Variants in DKK4 observed in about 807,000 individuals in gnomAD.
DKK4 encodes the protein dickkopf Wnt signaling pathway inhibitor 4, also known as dickkopf-related protein 4.
A neutral mutation model predicts 14.5 loss-of-function variants in DKK4; 15 were observed. The observed-to-expected ratio is 1.03, with a 90% CI of 0.69 to 1.59. The LOEUF (loss-of-function observed/expected upper bound fraction) is 1.59. Ranked by LOEUF, DKK4 falls within the 40% of genes most tolerant of loss-of-function variation. DKK4 has a pLI of 0.00. For synonymous variants in DKK4, 89 were observed against 105.2 expected (o/e 0.85, Z 0.94); for missense variants, 272 against 280.3 (o/e 0.97, Z 0.21).
intron 1 of DKK4, among the ~76,000 whole-genome samples, chr8:42,376,236 G>A (rs896977091): frequency 2.0e-5 from 3 of 152,078 alleles, no homozygotes; most frequent in African/African-American, 7.2e-5. Flanking sequence ...TTACTCTAGT[G>A]AATCACATTT....
intron 2 of DKK4, 31 bp from the exon 3 acceptor site, chr8:42,374,944 T>A (rs779274001): frequency 6.2e-7 from 1 of 1,613,016 alleles, no homozygotes; most frequent in Non-Finnish European, 8.5e-7. Flanking sequence ...ACTAGAATTA[T>A]TAACTTCAAG....
chr8:42,374,063 T>C lies in DKK4; in HGVS notation c.*37A>G. Reference sequence around the variant, plus strand: ...TTAAAGTTAATGTCCAAGATTGAGCTCAAATGCAATGTGGATTCTTCTTTA... The same window carrying C: ...TTAAAGTTAATGTCCAAGATTGAGCCCAAATGCAATGTGGATTCTTCTTTA... On this transcript the variant is annotated 3_prime_UTR_variant, in exon 4 of 4. Transcript: ENST00000220812. 6.2e-7 allele frequency: 1 copy of C among 1,607,896 alleles called. No individual in the cohort carries two copies. Among genetic ancestry groups the C allele is most frequent in the East Asian group, 2.2e-5 (1 of 44,880 alleles).
upstream of DKK4, among the ~76,000 whole-genome samples, chr8:42,380,893 AAG>A (rs373095465): frequency 7.9e-5 from 12 of 151,686 alleles, no homozygotes; most frequent in African/African-American, 2.4e-4. Context: ...AAGAGAGAGA[AAG>A]AGAAAGAAAA....
intron 2 of DKK4, 62 bp downstream of exon 2, chr8:42,375,618 A>G (rs1824541899): frequency 1.3e-6 from 2 of 1,591,130 alleles, no homozygotes; most frequent in African/African-American, 2.7e-5. Flanking sequence ...GGAATATTCT[A>G]GTCTATGGGG....
chr8:42,390,813 T>C, the DKK4 span, among the ~76,000 whole-genome samples: 2 of 152,202 alleles, frequency 1.3e-5, no homozygotes, highest in African/African-American at 2.4e-5. Context: ...TATCTCTGTG[T>C]CCCTCTCTGT....
At chr8:42,380,496 A>G (rs1174373975), upstream of DKK4, among the ~76,000 whole-genome samples, 1 of 132,146 alleles carries the variant, frequency 7.6e-6, no homozygotes, top group East Asian at 2.1e-4. Context: ...AGAGAGAGAG[A>G]AAGGAAGGAA....
At chr8:42,387,897 A>T in the DKK4 span, among the ~76,000 whole-genome samples, 831 of 152,046 alleles carry the variant, frequency 5.5e-3, 13 homozygotes, top group African/African-American at 0.017. Flanking sequence ...CATTAAAAAA[A>T]TTTTTTTTAA....
At chr8:42,383,814 G>A in the DKK4 span, among the ~76,000 whole-genome samples, 49 of 152,120 alleles carry the variant, frequency 3.2e-4, no homozygotes, top group Non-Finnish European at 1.2e-4. Flanking sequence ...ATGGTGGTGC[G>A]CGCCTGTAAT....
At chr8:42,382,367 G>T in the DKK4 span, among the ~76,000 whole-genome samples, 1 of 152,218 alleles carries the variant, frequency 6.6e-6, no homozygotes, top group Non-Finnish European at 1.5e-5. Flanking sequence ...ACTGCCAGGA[G>T]CCCGCATCTC....
At chr8:42,390,484 C>A in the DKK4 span, among the ~76,000 whole-genome samples, 2 of 150,596 alleles carry the variant, frequency 1.3e-5, no homozygotes, top group African/African-American at 2.5e-5. Flanking sequence ...CTGCCTCAGC[C>A]TCCCGAGTAG....
intron 2 of DKK4, among the ~76,000 whole-genome samples, 189 bp downstream of exon 2, chr8:42,375,491 T>C (rs1462022165): frequency 7.0e-6 from 1 of 143,298 alleles, no homozygotes; most frequent in African/African-American, 2.6e-5. Flanking sequence ...CAGTGAGCTG[T>C]GGACAACAAG....
At chr8:42,387,344 CTTTTTTT>C in the DKK4 span, among the ~76,000 whole-genome samples, 2 of 44,908 alleles carry the variant, frequency 4.5e-5, no homozygotes, top group Non-Finnish European at 8.7e-5. Flanking sequence ...GAAGGCCAGT[CTTTTTTT>C]TTTTTTTTTT....
intron 1 of DKK4, among the ~76,000 whole-genome samples, chr8:42,376,323 G>A (rs771781623): frequency 6.6e-6 from 1 of 152,100 alleles, no homozygotes; most frequent in Non-Finnish European, 1.5e-5. Flanking sequence ...AAGAGATACC[G>A]AAGATCAATT....
At chr8:42,375,493 GACA>G (rs1158826568) in intron 2 of DKK4, among the ~76,000 whole-genome samples, 184 bp downstream of exon 2, 1 of 150,634 alleles carries the variant, frequency 6.6e-6, no homozygotes, top group Admixed American at 6.6e-5. Context: ...GTGAGCTGTG[GACA>G]ACAAGGGCGA....
the DKK4 span, among the ~76,000 whole-genome samples, chr8:42,382,313 G>A: frequency 3.3e-5 from 5 of 152,238 alleles, no homozygotes; most frequent in African/African-American, 1.2e-4. Flanking sequence ...CCCTCAGCGA[G>A]AATGCCAACA....
chr8:42,387,643 A>T, the DKK4 span, among the ~76,000 whole-genome samples: 2 of 152,112 alleles, frequency 1.3e-5, no homozygotes, highest in African/African-American at 4.8e-5. Context: ...TACAGGTGTG[A>T]GCCACTGCGC....
chr8:42,390,190 G>A, the DKK4 span, among the ~76,000 whole-genome samples: 24 of 151,920 alleles, frequency 1.6e-4, no homozygotes, highest in Middle Eastern at 3.2e-3. Context: ...CACCGCGCCC[G>A]GGGCCCCCTC....
upstream of DKK4, among the ~76,000 whole-genome samples, chr8:42,381,086 GC>G (rs1328455777): frequency 1.3e-5 from 2 of 152,032 alleles, no homozygotes; most frequent in Non-Finnish European, 1.5e-5. Context: ...AGTTGTCATT[GC>G]CCCGATGACA....
At position 42,377,006 on chromosome 8, in the gene DKK4, A is replaced by C; in HGVS notation, c.40T>G (p.Ser14Ala). ...TCCAGGACCAGAGCTCCCAGGGGAG[A>C]GCAGAGCCAGCTCAGCCCCAGCAGG... Reference protein sequence around the residue: ...AVLLGLSWLCSPLGALVLDFN... With the variant: ...AVLLGLSWLCAPLGALVLDFN... Residue 14 changes from serine (S) to alanine (A), a missense_variant, in exon 1 of 4, where the codon TCT becomes GCT. Ser to Ala is a moderately conservative substitution (Grantham distance 99). Coordinates refer to ENST00000220812, the MANE Select transcript of DKK4 (RefSeq NM_014420.3). 1 of 1,613,382 alleles carries C rather than the reference A, an allele frequency of 6.2e-7. No individual in the cohort carries two copies. Among genetic ancestry groups the C allele is most frequent in the Non-Finnish European group, 8.5e-7 (1 of 1,179,958 alleles).
Sources: allele counts gnomAD v4.1 joint callset (sites outside exome capture counted in the v4.1 genomes callset), GRCh38; gene constraint gnomAD v4.1.1; transcripts MANE v1.5; gene names NCBI Gene and HGNC (gene_info 2026-07-23, HGNC 2026-07-21).